RABGAP1L: variants seen among roughly 807,000 people sequenced by gnomAD.
The protein encoded by RABGAP1L is RAB GTPase activating protein 1 like.
In RABGAP1L, 63 loss-of-function variants were observed where a neutral mutation model predicts 137.7. That is an observed-to-expected ratio of 0.46 (90% CI 0.37 to 0.56). The LOEUF is 0.56. RABGAP1L is among the 20% of genes least tolerant of loss of function. RABGAP1L has a pLI of 0.00. For synonymous variants in RABGAP1L, 431 were observed against 433.7 expected, an observed-to-expected ratio of 0.99 and a Z score of 0.08; for missense variants, 1,095 against 1,244.0, an observed-to-expected ratio of 0.88 and a Z score of 1.80.
intron 17 of RABGAP1L, among the ~76,000 whole-genome samples, chr1:174,716,556 T>G (rs1681027451): frequency 6.6e-6 from 1 of 152,230 alleles, no homozygotes; most frequent in Non-Finnish European, 1.5e-5. Flanking sequence ...AACTGTTGTT[T>G]GCATTTGTTA....
intron 17 of RABGAP1L, among the ~76,000 whole-genome samples, chr1:174,702,817 ATT>A (rs1006425471): frequency 6.6e-6 from 1 of 152,014 alleles, no homozygotes; most frequent in African/African-American, 2.4e-5. Context: ...ATATTTGTGT[ATT>A]TTATTGTTTT....
intron 13 of RABGAP1L, among the ~76,000 whole-genome samples, chr1:174,452,559 TTTTG>T (rs3058900): frequency 7.3e-5 from 11 of 150,818 alleles, no homozygotes; most frequent in South Asian, 2.1e-4. Context: ...TTGTTTTGTT[TTTTG>T]TTTGTTTGTT....
chr1:174,272,554 AC>A (rs1674646637), intron 8 of RABGAP1L, 74 bp downstream of exon 8: 2 of 1,401,166 alleles, frequency 1.4e-6, no homozygotes, highest in African/African-American at 3.0e-5. Flanking sequence ...TTTTCTATTT[AC>A]AAATTTTGTC....
intron 19 of RABGAP1L, among the ~76,000 whole-genome samples, chr1:174,878,923 TTG>T (rs1479162409): frequency 2.9e-5 from 4 of 136,246 alleles, no homozygotes; most frequent in African/African-American, 8.8e-5. Context: ...TTTTTGTGCA[TTG>T]TTTTTTTTTT....
At chr1:174,563,669 A>C (rs923006485) in intron 13 of RABGAP1L, among the ~76,000 whole-genome samples, 43 of 152,214 alleles carry the variant, frequency 2.8e-4, no homozygotes, top group Non-Finnish European at 4.4e-4. Context: ...TGAAGTACAA[A>C]GGTGTGAATG....
intron 13 of RABGAP1L, among the ~76,000 whole-genome samples, chr1:174,422,560 C>T (rs992438150): frequency 6.6e-6 from 1 of 151,986 alleles, no homozygotes; most frequent in African/African-American, 2.4e-5. Flanking sequence ...AATTCTATCC[C>T]CTTTTATTGA....
intron 13 of RABGAP1L, among the ~76,000 whole-genome samples, chr1:174,635,114 C>T (rs1005546801): frequency 6.6e-6 from 1 of 151,938 alleles, no homozygotes; most frequent in Admixed American, 6.6e-5. Flanking sequence ...CAAATTTACT[C>T]TCTAGATTTT....
At chr1:174,817,569 A>G (rs530677372) in intron 19 of RABGAP1L, among the ~76,000 whole-genome samples, 1 of 152,324 alleles carries the variant, frequency 6.6e-6, no homozygotes, top group African/African-American at 2.4e-5. Flanking sequence ...GGTAAGCAGG[A>G]GCCAGCCAGC....
intron 18 of RABGAP1L, among the ~76,000 whole-genome samples, chr1:174,803,902 A>G (rs952908284): frequency 2.0e-5 from 3 of 151,794 alleles, no homozygotes; most frequent in Admixed American, 2.0e-4. Flanking sequence ...GCAAAATCCC[A>G]TCTCTCCTAA....
intron 19 of RABGAP1L, among the ~76,000 whole-genome samples, chr1:174,956,806 C>T (rs1295268458): frequency 1.3e-5 from 2 of 152,040 alleles, no homozygotes; most frequent in East Asian, 3.9e-4. Context: ...CACCACCATG[C>T]CCCGCTAATT....
intron 11 of RABGAP1L, among the ~76,000 whole-genome samples, chr1:174,356,791 T>G (rs192830194): frequency 1.7e-4 from 26 of 152,286 alleles, no homozygotes; most frequent in African/African-American, 5.5e-4. Flanking sequence ...TAGTTACCTT[T>G]GAAGTGATAG....
At chr1:174,652,374 A>G (rs1373410491) in intron 14 of RABGAP1L, among the ~76,000 whole-genome samples, 2 of 152,102 alleles carry the variant, frequency 1.3e-5, no homozygotes, top group East Asian at 3.8e-4. Context: ...TTGGAGGAGA[A>G]GAGGTGTTCT....
intron 19 of RABGAP1L, among the ~76,000 whole-genome samples, chr1:174,910,314 A>T (rs1367933615): frequency 1.3e-5 from 2 of 152,226 alleles, no homozygotes; most frequent in East Asian, 1.9e-4. Context: ...CCAAAAAAGC[A>T]TTTGGTAAAA....
chr1:174,455,578 A>G (rs1366751294), intron 13 of RABGAP1L, among the ~76,000 whole-genome samples: 1 of 152,166 alleles, frequency 6.6e-6, no homozygotes, highest in Non-Finnish European at 1.5e-5. Context: ...CATACTCTGT[A>G]AAGTATAGCT....
At chr1:174,313,424 CTTCT>C in intron 11 of RABGAP1L, among the ~76,000 whole-genome samples, 1 of 152,266 alleles carries the variant, frequency 6.6e-6, no homozygotes, top group East Asian at 1.9e-4. Context: ...GATAATTTGA[CTTCT>C]TTCTTTCCAA....
chr1:174,892,345 A>G (rs1573696498), intron 19 of RABGAP1L: 1 of 352,964 alleles, frequency 2.8e-6, no homozygotes, highest in Admixed American at 4.1e-5. Flanking sequence ...GTGGGAAGGA[A>G]CCAACTGGAG....
At chr1:174,649,761 T>C (rs1370990688) in intron 14 of RABGAP1L, among the ~76,000 whole-genome samples, 1 of 152,186 alleles carries the variant, frequency 6.6e-6, no homozygotes, top group East Asian at 1.9e-4. Context: ...TTTCTAGATA[T>C]GCAATGATGT....
chr1:174,751,815 T>A (rs1052957079), intron 17 of RABGAP1L, among the ~76,000 whole-genome samples: 1 of 151,954 alleles, frequency 6.6e-6, no homozygotes, highest in Non-Finnish European at 1.5e-5. Flanking sequence ...AAGAAAACAA[T>A]AAGAACTGTA....
intron 11 of RABGAP1L, among the ~76,000 whole-genome samples, chr1:174,313,215 C>T (rs1679031168): frequency 6.6e-6 from 1 of 152,166 alleles, no homozygotes; most frequent in African/African-American, 2.4e-5. Flanking sequence ...TGAGCCACCA[C>T]CACACCTGGC....
Sources: allele counts gnomAD v4.1 joint callset (sites outside exome capture counted in the v4.1 genomes callset), GRCh38; gene constraint gnomAD v4.1.1; transcripts MANE v1.5; gene names NCBI Gene and HGNC (gene_info 2026-07-23, HGNC 2026-07-21).